The following SUZ12 variants were observed in gnomAD, a reference collection of about 807,000 sequenced individuals.
SUZ12 encodes SUZ12 polycomb repressive complex 2 subunit.
Under a neutral mutation model 87.3 loss-of-function variants are expected in SUZ12, and 17 were observed. The ratio of observed to expected loss-of-function variants is 0.19; its 90% confidence interval spans 0.13 to 0.29. The LOEUF (loss-of-function observed/expected upper bound fraction) is 0.29. SUZ12 is among the 10% of genes least tolerant of loss of function. The pLI, the probability that SUZ12 is intolerant of heterozygous loss-of-function variation, is 1.00. For missense variants in SUZ12, 526 were observed against 912.2 expected (o/e 0.58, Z 5.45); for synonymous variants, 253 against 312.4 (o/e 0.81, Z 2.01).
chr17:31,982,696 C>T (rs532272919), intron 8 of SUZ12, among the ~76,000 whole-genome samples: 34 of 152,150 alleles, frequency 2.2e-4, no homozygotes, highest in Middle Eastern at 3.4e-3. Flanking sequence ...CCTGTACTTA[C>T]GCTTTATATT....
At chr17:31,975,391 C>T (rs1221491482) in intron 6 of SUZ12, 91 bp from the exon 7 acceptor site, 14 of 866,402 alleles carry the variant, frequency 1.6e-5, no homozygotes, top group Non-Finnish European at 2.4e-5. Flanking sequence ...GCCTATCTCC[C>T]GTGTTTCCTA....
intron 5 of SUZ12, 178 bp downstream of exon 5, chr17:31,966,374 A>G (rs1241471184): frequency 4.9e-6 from 3 of 609,658 alleles, no homozygotes; most frequent in Non-Finnish European, 8.7e-6. Flanking sequence ...TTTTTGGTGG[A>G]TGGGGGTGCA....
intron 4 of SUZ12, among the ~76,000 whole-genome samples, chr17:31,958,240 T>C (rs943535868): frequency 1.3e-5 from 2 of 152,130 alleles, no homozygotes; most frequent in Non-Finnish European, 2.9e-5. Context: ...TTCACCGTTT[T>C]GCCCAGTGTG....
intron 15 of SUZ12, among the ~76,000 whole-genome samples, chr17:31,997,742 T>C (rs1910057692): frequency 6.6e-6 from 1 of 151,384 alleles, no homozygotes; most frequent in African/African-American, 2.4e-5. Flanking sequence ...GACAGAGCTG[T>C]AGGTTCATTT....
At chr17:31,955,714 C>A (rs1306516362) in intron 4 of SUZ12, among the ~76,000 whole-genome samples, 1 of 151,716 alleles carries the variant, frequency 6.6e-6, no homozygotes, top group Non-Finnish European at 1.5e-5. Flanking sequence ...CGCCATTGCA[C>A]TCCAGCATGG....
intron 4 of SUZ12, among the ~76,000 whole-genome samples, chr17:31,957,812 C>G (rs1182294030): frequency 6.6e-6 from 1 of 150,812 alleles, no homozygotes; most frequent in Non-Finnish European, 1.5e-5. Flanking sequence ...TCCCAAAGTG[C>G]TGGATTACAG....
chr17:31,976,088 A>G (rs2880819), intron 7 of SUZ12, among the ~76,000 whole-genome samples: 9 of 152,244 alleles, frequency 5.9e-5, no homozygotes, highest in Admixed American at 2.6e-4. Flanking sequence ...ATTCAGTCCT[A>G]TCCTCCAAAG....
At chr17:31,950,153 A>ATTT (rs1906877910) in intron 4 of SUZ12, among the ~76,000 whole-genome samples, 1 of 148,656 alleles carries the variant, frequency 6.7e-6, no homozygotes, top group Admixed American at 6.8e-5. Context: ...CACCGAACTA[A>ATTT]TTTTTTCTTG....
rs1906924604 is a variant in SUZ12 at position 31,950,830 on chromosome 17, A to T, written c.455+3145A>T. ...AGTCTCGCTCTGTCACCGAGGCTGGAGTGCAGTGACGCGATCTCAGCTCAC... is the reference window on the plus strand; with the variant it reads ...AGTCTCGCTCTGTCACCGAGGCTGGTGTGCAGTGACGCGATCTCAGCTCAC... On this transcript the variant is annotated intron_variant, in intron 4 of 15. Transcript: ENST00000322652. Among the ~76,000 whole-genome samples, 3 of 151,464 alleles carry T rather than the reference A, an allele frequency of 2.0e-5. No homozygotes were observed. The South Asian group carries it at 6.3e-4, about 32-fold the overall frequency.
intron 15 of SUZ12, among the ~76,000 whole-genome samples, chr17:31,998,228 C>T (rs527322665): frequency 3.3e-5 from 5 of 152,066 alleles, no homozygotes; most frequent in South Asian, 4.1e-4. Context: ...CACAGGCACC[C>T]GCCACCACAC....
chr17:31,962,586 G>C (rs1319744864), intron 4 of SUZ12, among the ~76,000 whole-genome samples: 2 of 152,308 alleles, frequency 1.3e-5, no homozygotes, highest in Non-Finnish European at 2.9e-5. Context: ...ACGAGACCCT[G>C]TCTGAAAGCA....
At position 31,995,757 on chromosome 17, in the gene SUZ12, A is replaced by G. The variant is rs1434267100; in HGVS notation, c.1789A>G (p.Ile597Val). The G allele has an allele frequency of 6.3e-7, 1 of 1,596,200 alleles. No individual in the cohort carries two copies. Residue 597 changes from isoleucine to valine, a missense_variant, in exon 14 of 16, where the codon ATT (isoleucine) becomes GTT (valine). This residue lies in a region of SUZ12 where 143 missense variants were observed against 321.6 expected (regional missense o/e 0.44). Transcript: ENST00000322652. The stretch of plus-strand genomic sequence containing the variant: ...TCCTGAATGGCTAAGAGAAAAAACC[A>G]TTACAGTAATTATTATTATCTTTAT... ...KDPEWLREKT[I>V]TQIEEFSDVN...
chr17:31,949,498 C>T (rs1158206235), intron 4 of SUZ12, among the ~76,000 whole-genome samples: 6 of 151,800 alleles, frequency 4.0e-5, no homozygotes, highest in Non-Finnish European at 8.8e-5. Context: ...CTGCTAAGAC[C>T]CTACATTATT....
chr17:31,963,209 A>G (rs563109425), intron 4 of SUZ12, among the ~76,000 whole-genome samples: 7 of 152,264 alleles, frequency 4.6e-5, no homozygotes, highest in African/African-American at 1.4e-4. Flanking sequence ...CAGTGGCACA[A>G]TCTTGGCTCA....
chr17:31,960,715 T>C (rs892339157), intron 4 of SUZ12, among the ~76,000 whole-genome samples: 21 of 152,014 alleles, frequency 1.4e-4, no homozygotes, highest in African/African-American at 4.6e-4. Flanking sequence ...GTAACTGGGA[T>C]TACACGCGGG....
At chr17:31,964,638 C>G (rs1209279258) in intron 4 of SUZ12, among the ~76,000 whole-genome samples, 1 of 151,878 alleles carries the variant, frequency 6.6e-6, no homozygotes, top group Non-Finnish European at 1.5e-5. Context: ...AACTCCTGAC[C>G]TGGTGATCCC....
At chr17:31,967,580 AAAAG>A (rs1908172630) in intron 5 of SUZ12, 1 of 151,708 alleles carries the variant, frequency 6.6e-6, no homozygotes, top group Non-Finnish European at 1.5e-5. Flanking sequence ...TGTCTAAAAA[AAAAG>A]AAAAAGAAAA....
chr17:31,970,867 T>G (rs1170749009), intron 5 of SUZ12, among the ~76,000 whole-genome samples: 4 of 152,176 alleles, frequency 2.6e-5, no homozygotes, highest in African/African-American at 9.6e-5. Flanking sequence ...TTTTTTTGTG[T>G]GTTCATGGAT....
intron 4 of SUZ12, among the ~76,000 whole-genome samples, chr17:31,960,759 A>G (rs1238779782): frequency 6.6e-6 from 1 of 151,932 alleles, no homozygotes; most frequent in Admixed American, 6.6e-5. Context: ...TTGTATTTTT[A>G]GTAGAGACAA....
Sources: allele counts gnomAD v4.1 joint callset (sites outside exome capture counted in the v4.1 genomes callset), GRCh38; gene constraint gnomAD v4.1.1; regional missense constraint gnomAD v4.1.1; transcripts MANE v1.5; gene names NCBI Gene and HGNC (gene_info 2026-07-23, HGNC 2026-07-21).